The following MST1R variants were observed in gnomAD, a reference collection of about 807,000 sequenced individuals.
MST1R encodes macrophage-stimulating protein receptor.
Under a neutral mutation model 117.8 loss-of-function variants are expected in MST1R, and 99 were observed. That is an observed-to-expected ratio of 0.84 (90% CI 0.71 to 0.99). MST1R has a LOEUF of 0.99. MST1R is among the 50% of genes least tolerant of loss of function. The probability of loss-of-function intolerance (pLI) is 0.00; values close to 1 mark genes in which losing one functional copy is unlikely to be tolerated. For missense variants in MST1R, 1,683 were observed against 1,840.2 expected, an observed-to-expected ratio of 0.91 and a Z score of 1.56; for synonymous variants, 734 against 765.3, an observed-to-expected ratio of 0.96 and a Z score of 0.68.
Position 49,895,828 on chromosome 3 carries a change from G to A in MST1R, c.2849C>T (p.Pro950Leu), listed in dbSNP as rs201836399. The A allele has an allele frequency of 2.0e-5, 33 of 1,613,678 alleles. No homozygotes were observed. Among genetic ancestry groups the A allele is most frequent in the Non-Finnish European group, 4.2e-6 (5 of 1,179,866 alleles). Residue 950 changes from proline to leucine, a missense_variant, in exon 12 of 20, where the codon CCA (proline) becomes CTA (leucine). Pro to Leu is a moderately conservative substitution (Grantham distance 98). Transcript: ENST00000296474. Reference protein sequence around the residue: ...HILGRVVRPGPDGVPQSTLLG... With the variant: ...HILGRVVRPGLDGVPQSTLLG... ...GAGCGTGCTCTGTGGGACCCCATCT[G>A]GCCCTGGCCGCACCACTCTACCCAG...
chr3:49,888,412 G>A (rs2108358685), intron 19 of MST1R, among the ~76,000 whole-genome samples: 1 of 147,964 alleles, frequency 6.8e-6, no homozygotes, highest in South Asian at 2.1e-4. Context: ...CTCCAGCCTG[G>A]GCAACAGAGC....
In MST1R at chr3:49,897,509, G is replaced by A. The variant is rs896256004; in HGVS notation, c.2046+11C>T. 3 of 1,612,648 alleles carry A rather than the reference G, an allele frequency of 1.9e-6. No homozygotes were observed. Among genetic ancestry groups the A allele is most frequent in the Admixed American group, 3.3e-5 (2 of 59,940 alleles). On this transcript the variant is annotated intron_variant, in intron 6 of 19. Transcript: ENST00000296474. ...CTGGCCAAGGGCACAGACAGGGCAA[G>A]GTAGCCTCACCATGAAAGAGAAGCC... is the stretch of plus-strand genomic sequence containing the variant.
In MST1R at chr3:49,897,617, A is replaced by G. The variant is rs2082525752; in HGVS notation, c.1949T>C (p.Val650Ala). The change falls in exon 6 of 20, where the codon GTG (valine) becomes GCG (alanine). Residue 650 changes from valine to alanine, a missense_variant. Transcript: ENST00000296474. ...CELEPLGTQA[V>A]GPTNVSLTVT... ...GGTGAGGCTGACGTTGGTAGGCCCC[A>G]CTGCCTGGGTGCCCAAGGGCTCCAG... 9 of 1,614,140 alleles carry G rather than the reference A, an allele frequency of 5.6e-6. No individual in the cohort carries two copies. The highest frequency in any genetic ancestry group is 7.6e-6 in the Non-Finnish European group (9 of 1,180,038).
chr3:49,894,444 G>GT (rs1452709560), intron 14 of MST1R, among the ~76,000 whole-genome samples: 2 of 151,668 alleles, frequency 1.3e-5, no homozygotes, highest in Non-Finnish European at 2.9e-5. Flanking sequence ...GTGCATGATT[G>GT]TAATCCCAGC....
chr3:49,899,173 C>T lies in MST1R; in HGVS notation c.1321G>A (p.Gly441Arg), dbSNP rs2082583318. The change falls in exon 2 of 20, where the codon GGG (glycine) becomes AGG (arginine). Residue 441 changes from glycine (G) to arginine (R), a missense_variant. Gly to Arg is a moderately radical substitution (Grantham distance 125, BLOSUM62 -2). Transcript: ENST00000296474. ...GTGACCTGTACTGGTCCCAACAGCC[C>T]ATTGAATAGGTCCACACGTGAGAAG... ...SSFSRVDLFN[G>R]LLGPVQVTAL... The T allele has an allele frequency of 6.2e-7, 1 of 1,614,074 alleles. No individual in the cohort carries two copies. Among genetic ancestry groups the T allele is most frequent in the Non-Finnish European group, 8.5e-7 (1 of 1,180,048 alleles).
At chr3:49,895,069 C>T (rs2082421428) in intron 14 of MST1R, 98 bp downstream of exon 14, 2 of 1,362,314 alleles carry the variant, frequency 1.5e-6, no homozygotes, top group South Asian at 1.2e-5. Flanking sequence ...CCTCGGCCTC[C>T]CAAAGTGCTG....
intron 7 of MST1R, 88 bp downstream of exon 7, chr3:49,897,192 C>T: frequency 1.3e-6 from 2 of 1,510,748 alleles, no homozygotes; most frequent in Non-Finnish European, 1.8e-6. Flanking sequence ...GACCATGTAA[C>T]AAGCACTCTT....
Position 49,893,954 on chromosome 3 carries a change from C to T in MST1R, c.3271+1213G>A, listed in dbSNP as rs1361319726. 2.0e-5 allele frequency among the ~76,000 whole-genome samples: 3 copies of T among 150,662 alleles called. No individual in the cohort carries two copies. The Admixed American group carries it at 2.0e-4, about 10-fold the overall frequency. ...ATAGGCTGGGGGCAGTGGCTCATGC[C>T]TGTAATCCTAGCACTTTGGGAGGCT... On this transcript the variant is annotated intron_variant, in intron 14 of 19. Coordinates refer to ENST00000296474, the MANE Select transcript of MST1R (RefSeq NM_002447.4).
rs1359024252 is a variant in MST1R at position 49,898,531 on chromosome 3, G to C, written c.1706C>G (p.Pro569Arg). ...PGSWQQDHCPPKLTEFHPHSG... is the reference protein window; with the variant it reads ...PGSWQQDHCPRKLTEFHPHSG... ...GGGAAGCCATACCTCAGTAAGCTTA[G>C]GTGGGCAGTGGTCCTGTTGCCAGGA... The change falls in exon 4 of 20, where the codon CCT (proline) becomes CGT (arginine). Residue 569 changes from proline (P) to arginine (R), a missense_variant. Transcript: ENST00000296474. 6.2e-7 allele frequency: 1 copy of C among 1,613,864 alleles called. No homozygotes were observed. The highest frequency in any genetic ancestry group is 8.5e-7 in the Non-Finnish European group (1 of 1,180,000).
At chr3:49,896,917 G>A in intron 7 of MST1R, 27 bp from the exon 8 acceptor site, 1 of 1,468,066 alleles carries the variant, frequency 6.8e-7, no homozygotes, top group Non-Finnish European at 9.0e-7. Flanking sequence ...TTGGGCTCAA[G>A]GTTACCCTCT....
intron 19 of MST1R, 121 bp downstream of exon 19, chr3:49,889,803 G>C (rs1162468582): frequency 8.1e-7 from 1 of 1,238,604 alleles, no homozygotes; most frequent in Non-Finnish European, 1.1e-6. Flanking sequence ...GAGGCCCAGC[G>C]AGAGTCCCTT....
Position 49,896,079 on chromosome 3 carries a change from C to T in MST1R, c.2678G>A (p.Cys893Tyr), listed in dbSNP as rs771786833. 3.1e-6 allele frequency: 5 copies of T among 1,611,744 alleles called. No individual in the cohort carries two copies. Among genetic ancestry groups the T allele is most frequent in the Non-Finnish European group, 4.2e-6 (5 of 1,178,464 alleles). The change falls in exon 11 of 20, where the codon TGT becomes TAT. Residue 893 changes from cysteine (C) to tyrosine (Y), a missense_variant. By Grantham distance (194) the Cys-to-Tyr change is radical. Coordinates refer to ENST00000296474, the MANE Select transcript of MST1R (RefSeq NM_002447.4). ...ACCCACGGTCACGTTGATACCCACA[C>T]AGTCAGCCACAGCGCCCAGCCCAAT... is the stretch of plus-strand genomic sequence containing the variant. ...EYIGLGAVAD[C>Y]VGINVTVGGE...
In MST1R at chr3:49,903,142, A is replaced by T. The variant is rs2082746607; in HGVS notation, c.468T>A (p.His156Gln). 1 of 1,604,110 alleles carries T rather than the reference A, an allele frequency of 6.2e-7. No individual in the cohort carries two copies. ...AGAAGAGGCAGGCTGGCGCTGCCAG[A>T]TGCACGGCTGTCCCTTGGGGCTCTA... ...HDLEPQGTAVHLAAPACLFSA... is the reference protein window; with the variant it reads ...HDLEPQGTAVQLAAPACLFSA... Residue 156 changes from histidine to glutamine, a missense_variant, in exon 1 of 20, where the codon CAT becomes CAA. By Grantham distance (24) the His-to-Gln change is conservative. Transcript: ENST00000296474.
chr3:49,899,861 G>A (rs919913863), intron 1 of MST1R, among the ~76,000 whole-genome samples: 5 of 151,586 alleles, frequency 3.3e-5, no homozygotes, highest in African/African-American at 7.3e-5. Context: ...CATGAGCCAC[G>A]GTGCCTGGCC....
At position 49,903,549 on chromosome 3, in the gene MST1R, G is replaced by C; in HGVS notation, c.61C>G (p.Pro21Ala). 1 of 1,596,854 alleles carries C rather than the reference G, an allele frequency of 6.3e-7. No homozygotes were observed. The highest frequency in any genetic ancestry group is 2.2e-5 in the East Asian group (1 of 44,802). Reference protein sequence around the residue: ...FLLLLLLPAKPAAGEDWQCPR... With the variant: ...FLLLLLLPAKAAAGEDWQCPR... ...CACTGCCAGTCCTCGCCCGCCGCGG[G>C]CTTGGCAGGCAACAGCAGCAGCAAC... Residue 21 changes from proline to alanine, a missense_variant, in exon 1 of 20, where the codon CCC (proline) becomes GCC (alanine). Physicochemically the swap from Pro to Ala is conservative, Grantham distance 27 (BLOSUM62 -1). Coordinates refer to ENST00000296474, the MANE Select transcript of MST1R (RefSeq NM_002447.4).
intron 14 of MST1R, 151 bp from the exon 15 acceptor site, chr3:49,891,989 C>T (rs1178685911): frequency 5.4e-6 from 3 of 551,844 alleles, no homozygotes; most frequent in East Asian, 3.3e-5. Context: ...TTTTTGAGAC[C>T]GAGTCTCACT....
At chr3:49,895,102 C>T (rs1437704056) in intron 14 of MST1R, 65 bp downstream of exon 14, 12 of 1,578,912 alleles carry the variant, frequency 7.6e-6, no homozygotes, top group East Asian at 2.2e-5. Context: ...TGAGCCACCA[C>T]GCCTGGCCTA....
Position 49,896,986 on chromosome 3 carries a change from T to A in MST1R, c.2184-96A>T. On this transcript the variant is annotated intron_variant, in intron 7 of 19. Transcript: ENST00000296474. ...TGTTGACCTCTCCCAGTTCGTCTGT[T>A]ATCTCTCCCACCTGCCCCACTCCAT... The A allele has an allele frequency of 1.5e-5, 21 of 1,373,952 alleles. 1 individual carries two copies. In the South Asian group the frequency reaches 3.3e-4, roughly 21 times the overall value. The allele number at this position is 1,373,952 out of a possible 1,614,324, so 85.1% of individuals were successfully genotyped here.
chr3:49,888,172 C>T (rs1030408670), intron 19 of MST1R, among the ~76,000 whole-genome samples: 2 of 152,140 alleles, frequency 1.3e-5, no homozygotes, highest in Admixed American at 6.5e-5. Context: ...CGTGGTGGCT[C>T]ACGCCTGTAA....
Sources: gnomAD v4.1 joint callset for allele counts (sites outside exome capture counted in the v4.1 genomes callset) on GRCh38, gnomAD v4.1.1 for gene constraint, MANE v1.5 for transcripts, NCBI Gene and HGNC (gene_info 2026-07-23, HGNC 2026-07-21) for gene names.